Variants in SGCZ observed in about 807,000 individuals in gnomAD.
SGCZ encodes the protein zeta-sarcoglycan.
SGCZ carries 40 observed loss-of-function variants against 41.3 expected under a neutral mutation model. That is an observed-to-expected ratio of 0.97 (90% confidence interval 0.75 to 1.26). SGCZ has a LOEUF of 1.26. Ranked by LOEUF, SGCZ falls within the 50% of genes most tolerant of loss-of-function variation. The probability of loss-of-function intolerance (pLI) is 0.00; values close to 1 mark genes in which losing one functional copy is unlikely to be tolerated. For synonymous variants in SGCZ, 206 were observed against 137.5 expected, an observed-to-expected ratio of 1.50 and a Z score of -3.49; for missense variants, 552 against 369.8, an observed-to-expected ratio of 1.49 and a Z score of -4.04.
At chr8:14,743,212 G>A (rs1280534079) in intron 1 of SGCZ, among the ~76,000 whole-genome samples, 1 of 151,804 alleles carries the variant, frequency 6.6e-6, no homozygotes, top group African/African-American at 2.4e-5. Flanking sequence ...TTTATAGACC[G>A]TATCAAATGT....
At chr8:14,282,999 G>A (rs1438365380) in intron 3 of SGCZ, among the ~76,000 whole-genome samples, 6 of 150,360 alleles carry the variant, frequency 4.0e-5, no homozygotes, top group Non-Finnish European at 5.9e-5. Context: ...ACAGGTGCCC[G>A]CCACCACGCC....
chr8:14,402,450 T>A (rs1181830760), intron 2 of SGCZ, among the ~76,000 whole-genome samples: 1 of 151,708 alleles, frequency 6.6e-6, no homozygotes, highest in African/African-American at 2.4e-5. Context: ...TAATCCATCT[T>A]GAATTGATTT....
At chr8:15,107,192 C>A (rs1806862325) in intron 1 of SGCZ, among the ~76,000 whole-genome samples, 1 of 152,122 alleles carries the variant, frequency 6.6e-6, no homozygotes, top group Non-Finnish European at 1.5e-5. Context: ...TGTTATCATG[C>A]TCTGCTGATT....
intron 2 of SGCZ, among the ~76,000 whole-genome samples, chr8:14,381,445 C>G (rs943244870): frequency 2.0e-5 from 3 of 152,094 alleles, no homozygotes; most frequent in Non-Finnish European, 4.4e-5. Flanking sequence ...TCCCATATAA[C>G]TCCCTGTCCT....
chr8:15,086,627 T>C (rs1204590172), intron 1 of SGCZ, among the ~76,000 whole-genome samples: 1 of 151,434 alleles, frequency 6.6e-6, no homozygotes, highest in African/African-American at 2.4e-5. Context: ...CAAAAACATA[T>C]ACAATTACTA....
chr8:14,432,914 C>CAAAAAAAAAA lies in SGCZ; in HGVS notation c.235-108720_235-108711dup, dbSNP rs767979164. 3.4e-4 allele frequency among the ~76,000 whole-genome samples: 26 copies of CAAAAAAAAAA among 75,602 alleles called. 5 individuals carry two copies. The highest frequency in any genetic ancestry group is 1.6e-3 in the African/African-American group (25 of 16,022). 49.6% of individuals were successfully genotyped at this position (75,602 alleles called of 152,430 possible). ...GGGCAAAAGAGTGAGACTGTGTCTC[C>CAAAAAAAAAA]AAAAAAAAAAAAAAAAAAAAAAAAA... On this transcript the variant is annotated intron_variant, in intron 2 of 7. Transcript: ENST00000382080.
At chr8:14,225,670 G>C (rs1008291383) in intron 4 of SGCZ, among the ~76,000 whole-genome samples, 9 of 152,076 alleles carry the variant, frequency 5.9e-5, no homozygotes, top group South Asian at 2.1e-4. Flanking sequence ...AAAGCTCATT[G>C]TATGTATAAT....
At chr8:14,651,895 G>T (rs1349995870) in intron 1 of SGCZ, among the ~76,000 whole-genome samples, 2 of 151,610 alleles carry the variant, frequency 1.3e-5, no homozygotes, top group African/African-American at 2.4e-5. Context: ...TCAGCATATT[G>T]TTCTGGGGGA....
chr8:15,162,840 T>C (rs971765997), intron 1 of SGCZ, among the ~76,000 whole-genome samples: 7 of 152,162 alleles, frequency 4.6e-5, no homozygotes, highest in African/African-American at 1.7e-4. Flanking sequence ...TTTATAAACA[T>C]TTCCTAAACA....
At chr8:14,634,136 G>A (rs1028333018) in intron 1 of SGCZ, among the ~76,000 whole-genome samples, 3 of 151,666 alleles carry the variant, frequency 2.0e-5, no homozygotes, top group Admixed American at 1.3e-4. Context: ...TTCTATTTCA[G>A]AAAAAAATTT....
At chr8:14,319,899 T>G (rs1801859557) in intron 3 of SGCZ, among the ~76,000 whole-genome samples, 1 of 152,050 alleles carries the variant, frequency 6.6e-6, no homozygotes, top group African/African-American at 2.4e-5. Context: ...GTATTTATAA[T>G]CTTTTATTCT....
intron 1 of SGCZ, among the ~76,000 whole-genome samples, chr8:14,652,922 A>G (rs747431976): frequency 6.6e-6 from 1 of 152,134 alleles, no homozygotes. Context: ...ATTGGAAAAT[A>G]TCTTAATTAT....
intron 2 of SGCZ, among the ~76,000 whole-genome samples, chr8:14,370,042 A>G (rs1803855236): frequency 6.6e-6 from 1 of 151,988 alleles, no homozygotes; most frequent in Admixed American, 6.6e-5. Context: ...TTCACTCTTT[A>G]AAGATCTACT....
At chr8:15,224,119 G>C (rs1368120208) in intron 1 of SGCZ, among the ~76,000 whole-genome samples, 3 of 152,120 alleles carry the variant, frequency 2.0e-5, no homozygotes, top group Non-Finnish European at 4.4e-5. Flanking sequence ...GCCTCCCAAA[G>C]TGCTGGGATA....
At chr8:14,755,933 G>A (rs1799652214) in intron 1 of SGCZ, among the ~76,000 whole-genome samples, 2 of 152,220 alleles carry the variant, frequency 1.3e-5, no homozygotes, top group South Asian at 4.1e-4. Context: ...TCACTTCAGT[G>A]CATTAAGACT....
intron 3 of SGCZ, among the ~76,000 whole-genome samples, chr8:14,283,421 A>C (rs544472311): frequency 2.6e-5 from 4 of 152,308 alleles, no homozygotes; most frequent in African/African-American, 9.6e-5. Context: ...TTTCTCGTTC[A>C]ACAAATGTTC....
At chr8:14,409,186 GTTAT>G (rs2117271043) in intron 2 of SGCZ, among the ~76,000 whole-genome samples, 1 of 152,048 alleles carries the variant, frequency 6.6e-6, no homozygotes, top group Admixed American at 6.6e-5. Context: ...TAACCAACAC[GTTAT>G]TTATTAAGCA....
chr8:14,137,043 G>A (rs1803220649), intron 5 of SGCZ, among the ~76,000 whole-genome samples: 2 of 152,168 alleles, frequency 1.3e-5, no homozygotes, highest in South Asian at 2.1e-4. Context: ...GGACTGGGGT[G>A]GACCTCCACT....
chr8:14,456,044 C>T (rs1247466929), intron 2 of SGCZ, among the ~76,000 whole-genome samples: 3 of 152,094 alleles, frequency 2.0e-5, no homozygotes, highest in Admixed American at 6.5e-5. Flanking sequence ...AAGGTGAAAA[C>T]GTTCTAATTA....
Sources: allele counts gnomAD v4.1 joint callset (sites outside exome capture counted in the v4.1 genomes callset), GRCh38; gene constraint gnomAD v4.1.1; transcripts MANE v1.5; gene names NCBI Gene and HGNC (gene_info 2026-07-23, HGNC 2026-07-21).